Variants in SYNDIG1 observed in about 807,000 individuals in gnomAD.
The protein encoded by SYNDIG1 is synapse differentiation-inducing gene protein 1.
In SYNDIG1, 9 loss-of-function variants were observed where a neutral mutation model predicts 19.4. The observed-to-expected ratio is 0.46, with a 90% CI of 0.28 to 0.81. The LOEUF is 0.81. SYNDIG1 is among the 30% of genes least tolerant of loss of function. The pLI, the probability that SYNDIG1 is intolerant of heterozygous loss-of-function variation, is 0.12. For synonymous variants in SYNDIG1, 141 were observed against 145.9 expected (o/e 0.97, Z 0.24); for missense variants, 311 against 343.3 (o/e 0.91, Z 0.74).
At chr20:24,498,777 C>T (rs957177526) in intron 1 of SYNDIG1, among the ~76,000 whole-genome samples, 1 of 152,262 alleles carries the variant, frequency 6.6e-6, no homozygotes, top group South Asian at 2.1e-4. Context: ...ACCAGTGTTC[C>T]GTGGCATGTA....
intron 2 of SYNDIG1, among the ~76,000 whole-genome samples, chr20:24,561,387 T>G (rs1036789140): frequency 3.3e-5 from 5 of 152,204 alleles, no homozygotes; most frequent in African/African-American, 9.7e-5. Context: ...AGTTATAGCC[T>G]TAGACTAGGA....
intron 2 of SYNDIG1, among the ~76,000 whole-genome samples, chr20:24,545,279 C>T (rs138565664): frequency 1.1e-4 from 17 of 152,106 alleles, no homozygotes; most frequent in East Asian, 1.9e-4. Context: ...TGGGCATCTG[C>T]GCAGGCCCCA....
At chr20:24,547,688 T>C (rs193137187) in intron 2 of SYNDIG1, among the ~76,000 whole-genome samples, 3 of 152,326 alleles carry the variant, frequency 2.0e-5, no homozygotes, top group Admixed American at 6.5e-5. Flanking sequence ...CACTGCTTCA[T>C]CCACTTCCCA....
At chr20:24,574,877 G>A (rs980400034) in intron 2 of SYNDIG1, among the ~76,000 whole-genome samples, 12 of 152,304 alleles carry the variant, frequency 7.9e-5, no homozygotes, top group East Asian at 5.8e-4. Flanking sequence ...CCCTAGGGCC[G>A]TCGTTAGGTG....
intron 3 of SYNDIG1, among the ~76,000 whole-genome samples, chr20:24,593,854 G>A (rs528404532): frequency 3.5e-4 from 53 of 151,802 alleles, no homozygotes; most frequent in Non-Finnish European, 6.9e-4. Context: ...AAAATCCATC[G>A]TGTCCTTTGC....
At chr20:24,582,349 C>A (rs1459625360) in intron 2 of SYNDIG1, among the ~76,000 whole-genome samples, 2 of 135,012 alleles carry the variant, frequency 1.5e-5, no homozygotes, top group Non-Finnish European at 3.2e-5. Flanking sequence ...GGCCTCCCCC[C>A]TGCATGGCCT....
chr20:24,589,301 T>C (rs978911498), intron 3 of SYNDIG1, among the ~76,000 whole-genome samples: 3 of 152,198 alleles, frequency 2.0e-5, no homozygotes, highest in African/African-American at 7.2e-5. Flanking sequence ...AGGGATTTAA[T>C]AAGTAACAGA....
intron 1 of SYNDIG1, among the ~76,000 whole-genome samples, chr20:24,480,602 G>A (rs117477603): frequency 0.018 from 2,805 of 152,306 alleles, 32 homozygotes; most frequent in Non-Finnish European, 0.029. Context: ...TTTGCCATAT[G>A]ATCCAGCAGT....
At chr20:24,490,683 G>A (rs1345776908) in intron 1 of SYNDIG1, among the ~76,000 whole-genome samples, 5 of 152,212 alleles carry the variant, frequency 3.3e-5, no homozygotes, top group East Asian at 1.9e-4. Flanking sequence ...AGCAGGGGCC[G>A]GCATGACAGC....
At chr20:24,489,129 C>T (rs1344126613) in intron 1 of SYNDIG1, among the ~76,000 whole-genome samples, 1 of 152,174 alleles carries the variant, frequency 6.6e-6, no homozygotes, top group East Asian at 1.9e-4. Flanking sequence ...GCCACCTTCC[C>T]ATCTGTACGC....
intron 3 of SYNDIG1, among the ~76,000 whole-genome samples, chr20:24,589,457 C>T (rs1033233362): frequency 6.6e-6 from 1 of 152,144 alleles, no homozygotes. Flanking sequence ...ATTCACCATC[C>T]CCCCACCCTG....
intron 1 of SYNDIG1, among the ~76,000 whole-genome samples, chr20:24,526,346 A>G (rs2146583708): frequency 6.6e-6 from 1 of 151,538 alleles, no homozygotes; most frequent in African/African-American, 2.4e-5. Context: ...TTTCATTCTT[A>G]CTCATGTACT....
intron 3 of SYNDIG1, among the ~76,000 whole-genome samples, chr20:24,611,778 G>T (rs1431468640): frequency 1.3e-5 from 2 of 152,190 alleles, no homozygotes; most frequent in Non-Finnish European, 2.9e-5. Context: ...TTTAGCCCAT[G>T]GTGCTGATCT....
chr20:24,556,711 C>T (rs992239286), intron 2 of SYNDIG1, among the ~76,000 whole-genome samples: 32 of 152,258 alleles, frequency 2.1e-4, no homozygotes, highest in Admixed American at 5.2e-4. Flanking sequence ...GTGGGTAACC[C>T]GACGTTTCTC....
At chr20:24,494,473 A>G (rs1276186475) in intron 1 of SYNDIG1, among the ~76,000 whole-genome samples, 3 of 152,182 alleles carry the variant, frequency 2.0e-5, no homozygotes, top group African/African-American at 7.2e-5. Context: ...CTGAAGTCAC[A>G]GAGAGTGGCG....
At chr20:24,598,305 T>A (rs1413068348) in intron 3 of SYNDIG1, among the ~76,000 whole-genome samples, 1 of 152,248 alleles carries the variant, frequency 6.6e-6, no homozygotes, top group Admixed American at 6.5e-5. Context: ...TTAGTACTAG[T>A]ATTATCACCA....
chr20:24,621,467 A>G (rs961978246), intron 3 of SYNDIG1, among the ~76,000 whole-genome samples: 1 of 152,170 alleles, frequency 6.6e-6, no homozygotes, highest in Non-Finnish European at 1.5e-5. Context: ...CTAAGTTTAC[A>G]CTCTGCTTAT....
intron 1 of SYNDIG1, among the ~76,000 whole-genome samples, chr20:24,529,737 A>T (rs1298747233): frequency 6.9e-6 from 1 of 145,044 alleles, no homozygotes; most frequent in African/African-American, 2.6e-5. Flanking sequence ...AGCAGTGGGG[A>T]TGATGGTGGT....
intron 3 of SYNDIG1, among the ~76,000 whole-genome samples, chr20:24,646,518 C>T (rs866370863): frequency 1.3e-4 from 20 of 152,312 alleles, no homozygotes; most frequent in African/African-American, 4.6e-4. Context: ...CCCACTTCCT[C>T]TCTCACCACA....
Sources: gnomAD v4.1 joint callset for allele counts (sites outside exome capture counted in the v4.1 genomes callset) on GRCh38, gnomAD v4.1.1 for gene constraint, MANE v1.5 for transcripts, NCBI Gene and HGNC (gene_info 2026-07-23, HGNC 2026-07-21) for gene names.